Variants in BMPER observed in about 807,000 individuals in gnomAD.
The protein encoded by BMPER is BMP-binding endothelial regulator protein.
BMPER carries 45 observed loss-of-function variants against 87.3 expected under a neutral mutation model. That is an observed-to-expected ratio of 0.52 (90% CI 0.41 to 0.66). The LOEUF (loss-of-function observed/expected upper bound fraction) is 0.66. BMPER is among the 30% of genes least tolerant of loss of function. The pLI is 0.00. For missense variants in BMPER, 784 were observed against 867.5 expected (o/e 0.90, Z 1.21); for synonymous variants, 326 against 316.2 (o/e 1.03, Z -0.33).
At chr7:33,915,907 A>G (rs1398358423) in intron 2 of BMPER, among the ~76,000 whole-genome samples, 1 of 152,192 alleles carries the variant, frequency 6.6e-6, no homozygotes. Context: ...TAAATTGCCT[A>G]ACATTTCTAT....
At chr7:34,024,938 A>T (rs1787315903) in intron 6 of BMPER, among the ~76,000 whole-genome samples, 1 of 152,038 alleles carries the variant, frequency 6.6e-6, no homozygotes, top group Non-Finnish European at 1.5e-5. Flanking sequence ...AAATAGGAGA[A>T]ACTTGGGCTT....
chr7:34,120,597 C>T (rs371699036), intron 13 of BMPER, among the ~76,000 whole-genome samples: 17 of 152,232 alleles, frequency 1.1e-4, no homozygotes, highest in African/African-American at 1.4e-4. Context: ...GAGGTTTCTC[C>T]GTATTGGTCA....
intron 6 of BMPER, among the ~76,000 whole-genome samples, chr7:34,026,090 T>A (rs1461100123): frequency 1.3e-5 from 2 of 151,986 alleles, no homozygotes; most frequent in Non-Finnish European, 2.9e-5. Context: ...TGGCCTGGCA[T>A]GGTAAAAAGG....
intron 3 of BMPER, among the ~76,000 whole-genome samples, chr7:33,949,034 A>G (rs749853148): frequency 3.3e-5 from 5 of 152,138 alleles, no homozygotes; most frequent in Non-Finnish European, 7.4e-5. Flanking sequence ...TGGACCAACA[A>G]TTTGAAAGAA....
rs200214350 is a variant in BMPER, at chr7:34,024,384, A to AATAT, written c.577-21875_577-21872dup. Among the ~76,000 whole-genome samples, 137 of 23,384 alleles carry AATAT rather than the reference A, an allele frequency of 5.9e-3. 3 individuals are homozygous for AATAT. Among genetic ancestry groups the AATAT allele is most frequent in the Middle Eastern group, 0.05 (1 of 20 alleles). 15.3% of individuals were successfully genotyped at this position (23,384 alleles called of 152,430 possible). Reference sequence around the variant, plus strand: ...AAAAAAAAAAAAAAAAAAAAAAAACAATATATATATATATATATATATATA... The same window carrying AATAT: ...AAAAAAAAAAAAAAAAAAAAAAAACAATATATATATATATATATATATATATATA... On this transcript the variant is annotated intron_variant, in intron 6 of 14. Transcript: ENST00000649409.
chr7:34,117,296 A>G (rs1790142883), intron 13 of BMPER, among the ~76,000 whole-genome samples: 4 of 152,170 alleles, frequency 2.6e-5, no homozygotes, highest in Admixed American at 2.6e-4. Flanking sequence ...TGTTATTTCC[A>G]TTCATCACAG....
At chr7:33,968,457 C>G (rs1053714563) in intron 4 of BMPER, among the ~76,000 whole-genome samples, 3 of 152,200 alleles carry the variant, frequency 2.0e-5, no homozygotes, top group Non-Finnish European at 4.4e-5. Context: ...ACAATGGCAA[C>G]CTCTCTTTGC....
chr7:34,140,210 T>C (rs1170990981), intron 13 of BMPER, among the ~76,000 whole-genome samples: 1 of 152,222 alleles, frequency 6.6e-6, no homozygotes, highest in Non-Finnish European at 1.5e-5. Flanking sequence ...CCCATTGCCA[T>C]GTGGACTGGA....
intron 11 of BMPER, among the ~76,000 whole-genome samples, chr7:34,062,809 G>C (rs1396367593): frequency 1.3e-5 from 2 of 152,098 alleles, no homozygotes; most frequent in Non-Finnish European, 2.9e-5. Context: ...AAGTAGAAAA[G>C]GTATAGTAAA....
intron 3 of BMPER, among the ~76,000 whole-genome samples, chr7:33,957,038 T>G (rs1785163270): frequency 6.6e-6 from 1 of 152,162 alleles, no homozygotes. Context: ...GACAGTTTCT[T>G]AAAGAACTAG....
intron 3 of BMPER, among the ~76,000 whole-genome samples, chr7:33,960,085 C>T (rs529330445): frequency 2.0e-5 from 3 of 152,106 alleles, no homozygotes; most frequent in Non-Finnish European, 2.9e-5. Context: ...TAATTGGAAG[C>T]GAAGCTAAAA....
At chr7:33,916,192 T>C (rs1216011630) in intron 2 of BMPER, among the ~76,000 whole-genome samples, 2 of 152,252 alleles carry the variant, frequency 1.3e-5, no homozygotes, top group Non-Finnish European at 2.9e-5. Flanking sequence ...GCTGCTTTTC[T>C]GTTAAAGATG....
chr7:33,995,821 A>C (rs79202108), intron 6 of BMPER, among the ~76,000 whole-genome samples: 2 of 152,162 alleles, frequency 1.3e-5, no homozygotes, highest in Non-Finnish European at 1.5e-5. Context: ...AGAGTCTTAC[A>C]GTCAGGGGCC....
intron 10 of BMPER, among the ~76,000 whole-genome samples, chr7:34,061,068 T>G (rs1788424052): frequency 6.6e-6 from 1 of 152,214 alleles, no homozygotes; most frequent in Non-Finnish European, 1.5e-5. Flanking sequence ...TTGTGCATCT[T>G]AATAACAGTG....
At chr7:34,116,943 C>T (rs917208673) in intron 13 of BMPER, among the ~76,000 whole-genome samples, 27 of 151,590 alleles carry the variant, frequency 1.8e-4, no homozygotes, top group Middle Eastern at 3.4e-3. Flanking sequence ...GATCTGAGAT[C>T]GCTCCACTGC....
intron 3 of BMPER, among the ~76,000 whole-genome samples, chr7:33,964,527 G>A (rs1315999512): frequency 6.6e-6 from 1 of 152,214 alleles, no homozygotes; most frequent in Non-Finnish European, 1.5e-5. Flanking sequence ...TATGGTGGAG[G>A]AACAAGGCTT....
intron 6 of BMPER, among the ~76,000 whole-genome samples, chr7:33,978,151 T>C (rs1785738628): frequency 6.6e-6 from 1 of 152,152 alleles, no homozygotes; most frequent in Non-Finnish European, 1.5e-5. Context: ...TATAAGGGCT[T>C]GAGGGAGGAA....
intron 9 of BMPER, among the ~76,000 whole-genome samples, chr7:34,056,616 CTTTTTTT>C (rs34663962): frequency 7.6e-6 from 1 of 131,156 alleles, no homozygotes; most frequent in South Asian, 2.5e-4. Context: ...GTGCAATGCA[CTTTTTTT>C]TTTTTTTTTT....
chr7:34,124,969 C>A (rs1790363663), intron 13 of BMPER, among the ~76,000 whole-genome samples: 1 of 151,452 alleles, frequency 6.6e-6, no homozygotes, highest in Admixed American at 6.6e-5. Flanking sequence ...CAGTAAATAT[C>A]TTGAGATCAA....
Sources: allele counts gnomAD v4.1 joint callset (sites outside exome capture counted in the v4.1 genomes callset), GRCh38; gene constraint gnomAD v4.1.1; transcripts MANE v1.5; gene names NCBI Gene and HGNC (gene_info 2026-07-23, HGNC 2026-07-21).